COLEC12: variants seen among roughly 807,000 people sequenced by gnomAD.
The protein encoded by COLEC12 is collectin-12.
A neutral mutation model predicts 71.1 loss-of-function variants in COLEC12; 33 were observed. The ratio of observed to expected loss-of-function variants is 0.46; its 90% CI spans 0.35 to 0.62. The LOEUF is 0.62. Among genes scored for constraint, COLEC12 ranks in the 20% least tolerant of loss-of-function variants. The pLI is 0.00. For synonymous variants in COLEC12, 350 were observed against 353.0 expected, an observed-to-expected ratio of 0.99 and a Z score of 0.10; for missense variants, 765 against 916.1, an observed-to-expected ratio of 0.84 and a Z score of 2.13.
At chr18:400,147 T>C (rs1915653154) in intron 2 of COLEC12, among the ~76,000 whole-genome samples, 1 of 152,122 alleles carries the variant, frequency 6.6e-6, no homozygotes, top group Admixed American at 6.6e-5. Flanking sequence ...CGGGGGGATC[T>C]AGGAGATGGA....
intron 1 of COLEC12, among the ~76,000 whole-genome samples, chr18:491,257 G>A (rs1917614384): frequency 6.6e-6 from 1 of 152,226 alleles, no homozygotes; most frequent in Non-Finnish European, 1.5e-5. Context: ...TGTCACCTGG[G>A]TTGCTAAATA....
intron 2 of COLEC12, among the ~76,000 whole-genome samples, chr18:373,484 G>C (rs1364648636): frequency 6.6e-6 from 1 of 152,204 alleles, no homozygotes; most frequent in Admixed American, 6.5e-5. Context: ...TAATTCCTCA[G>C]TGAGGAGGAA....
At chr18:433,183 G>T (rs758258956) in intron 2 of COLEC12, among the ~76,000 whole-genome samples, 2 of 152,082 alleles carry the variant, frequency 1.3e-5, no homozygotes, top group African/African-American at 4.8e-5. Flanking sequence ...CACACCAATC[G>T]GAGGCTGAAA....
chr18:331,540 G>A lies in COLEC12; in HGVS notation c.2063+128C>T, dbSNP rs563890724. ...AGGGGAAATATGCAACTGGTACCAG[G>A]AGCCCCGGTTTGGGAGGAGCGTCTA... On this transcript the variant is annotated intron_variant, in intron 8 of 9. Coordinates refer to ENST00000400256, the MANE Select transcript of COLEC12 (RefSeq NM_130386.3). 20 of 568,994 alleles carry A rather than the reference G, an allele frequency of 3.5e-5. No homozygotes were observed. In the South Asian group the frequency reaches 5.0e-4, roughly 14 times the overall value. The allele number at this position is 568,994 out of a possible 1,614,324, so 35.2% of individuals were successfully genotyped here.
At chr18:420,017 G>C (rs113051441) in intron 2 of COLEC12, among the ~76,000 whole-genome samples, 1,587 of 152,296 alleles carry the variant, frequency 0.01, 30 homozygotes, top group African/African-American at 0.035. Context: ...TACTTGGAGA[G>C]GGCCTAGGAG....
chr18:335,679 G>A (rs2037080906), intron 5 of COLEC12, among the ~76,000 whole-genome samples: 2 of 152,194 alleles, frequency 1.3e-5, no homozygotes, highest in South Asian at 4.1e-4. Context: ...TCTTGGACTT[G>A]CGGCCTCCAG....
intron 2 of COLEC12, among the ~76,000 whole-genome samples, chr18:382,386 T>C (rs1373246744): frequency 6.6e-6 from 1 of 152,218 alleles, no homozygotes; most frequent in East Asian, 1.9e-4. Flanking sequence ...TATAGTAAAT[T>C]TACTTGTAGG....
At chr18:406,730 A>G (rs1915798855) in intron 2 of COLEC12, among the ~76,000 whole-genome samples, 1 of 152,196 alleles carries the variant, frequency 6.6e-6, no homozygotes, top group South Asian at 2.1e-4. Flanking sequence ...GACTGGAGTC[A>G]GGCACTGGCC....
At chr18:493,372 CTCTTT>C (rs1362067468) in intron 1 of COLEC12, among the ~76,000 whole-genome samples, 2 of 152,202 alleles carry the variant, frequency 1.3e-5, no homozygotes, top group African/African-American at 4.8e-5. Context: ...CAGCCCTCCT[CTCTTT>C]TAAGACATTT....
intron 2 of COLEC12, among the ~76,000 whole-genome samples, chr18:368,790 C>T (rs182497954): frequency 5.3e-5 from 8 of 151,948 alleles, no homozygotes; most frequent in African/African-American, 1.7e-4. Context: ...GGCGTGAACC[C>T]GGGAGGCGGA....
chr18:335,493 G>A (rs936031296), intron 5 of COLEC12, among the ~76,000 whole-genome samples: 2 of 152,088 alleles, frequency 1.3e-5, no homozygotes, highest in African/African-American at 2.4e-5. Flanking sequence ...AGAGGTCATC[G>A]AGTTAAAACG....
At chr18:410,368 G>C (rs1940439) in intron 2 of COLEC12, among the ~76,000 whole-genome samples, 144,856 of 152,196 alleles carry the variant, frequency 0.95, 69,109 homozygotes, top group East Asian at 1. Context: ...TAAGAAGACT[G>C]TGAAAGGTGG....
chr18:370,635 T>C (rs1218673942), intron 2 of COLEC12, among the ~76,000 whole-genome samples: 2 of 152,226 alleles, frequency 1.3e-5, no homozygotes, highest in African/African-American at 4.8e-5. Flanking sequence ...TTATTATTCT[T>C]TAAAACAGCC....
At chr18:406,012 G>T (rs1204376955) in intron 2 of COLEC12, among the ~76,000 whole-genome samples, 1 of 152,106 alleles carries the variant, frequency 6.6e-6, no homozygotes, top group East Asian at 1.9e-4. Flanking sequence ...AATACAGGTT[G>T]CAGTAAAGTA....
At chr18:469,279 C>T (rs369922002) in intron 2 of COLEC12, among the ~76,000 whole-genome samples, 6 of 152,254 alleles carry the variant, frequency 3.9e-5, no homozygotes, top group African/African-American at 1.2e-4. Flanking sequence ...ACATCTGGCA[C>T]GTAGTGCCCT....
chr18:487,149 GC>G (rs1917534608), intron 1 of COLEC12, among the ~76,000 whole-genome samples: 1 of 152,118 alleles, frequency 6.6e-6, no homozygotes, highest in Non-Finnish European at 1.5e-5. Flanking sequence ...AAAAAATGAA[GC>G]ACTGATGCAT....
rs2143434409 is a variant in COLEC12 at position 333,048 on chromosome 18, T to C, written c.1912A>G (p.Lys638Glu). 1.2e-6 allele frequency: 2 copies of C among 1,609,704 alleles called. No homozygotes were observed. Among genetic ancestry groups the C allele is most frequent in the Middle Eastern group, 1.7e-4 (1 of 6,052 alleles). Residue 638 changes from lysine (K) to glutamate (E), a missense_variant, in exon 7 of 10, where the codon AAG becomes GAG. Lys to Glu is a moderately conservative substitution (Grantham distance 56, BLOSUM62 1). Transcript: ENST00000400256. ...FEDAKLFCED[K>E]SSHLVFINTR... Reference sequence around the variant, plus strand: ...TTTATGAAAACAAGATGTGAAGACTTGTCTTCACAGAAAAGCTTTGCATCC... The same window carrying C: ...TTTATGAAAACAAGATGTGAAGACTCGTCTTCACAGAAAAGCTTTGCATCC...
intron 1 of COLEC12, among the ~76,000 whole-genome samples, chr18:483,744 T>C (rs1369552092): frequency 6.6e-6 from 1 of 152,244 alleles, no homozygotes; most frequent in African/African-American, 2.4e-5. Flanking sequence ...TGGTAATCTG[T>C]CGTGTTAATG....
chr18:461,248 TTAAAAGG>T (rs1916977799), intron 2 of COLEC12, among the ~76,000 whole-genome samples: 1 of 151,882 alleles, frequency 6.6e-6, no homozygotes, highest in Non-Finnish European at 1.5e-5. Context: ...AGTAGCAATA[TTAAAAGG>T]TAAAAGGAAA....
Sources: gnomAD v4.1 joint callset for allele counts (sites outside exome capture counted in the v4.1 genomes callset) on GRCh38, gnomAD v4.1.1 for gene constraint, MANE v1.5 for transcripts, NCBI Gene and HGNC (gene_info 2026-07-23, HGNC 2026-07-21) for gene names.